P2RX5: variants seen among roughly 807,000 people sequenced by gnomAD.
P2RX5 encodes the protein purinergic receptor P2X 5.
In P2RX5, 46 loss-of-function variants were observed where a neutral mutation model predicts 54.1. The observed-to-expected ratio is 0.85, with a 90% CI of 0.67 to 1.09. The LOEUF is 1.09. Among genes scored for constraint, P2RX5 ranks in the 50% least tolerant of loss-of-function variants. P2RX5 has a pLI of 0.00. For synonymous variants in P2RX5, 226 were observed against 226.4 expected (o/e 1.00, Z 0.02); for missense variants, 566 against 549.8 (o/e 1.03, Z -0.29).
chr17:3,691,056 C>A lies in P2RX5; in HGVS notation c.289-29G>T, dbSNP rs771913431. On this transcript the variant is annotated intron_variant, in intron 2 of 11. Transcript: ENST00000225328. ...AGGAACCAGAGAGGCACTGAGGAACCTCCTCCTGCCCCTTAGGGACCACCC... is the reference window on the plus strand; with the variant it reads ...AGGAACCAGAGAGGCACTGAGGAACATCCTCCTGCCCCTTAGGGACCACCC... The A allele has an allele frequency of 5.8e-6, 9 of 1,541,304 alleles. No homozygotes were observed. In the South Asian group the frequency reaches 1.0e-4, roughly 17 times the overall value.
At chr17:3,722,990 A>G in the P2RX5 span, among the ~76,000 whole-genome samples, 16 of 152,198 alleles carry the variant, frequency 1.1e-4, no homozygotes, top group African/African-American at 3.6e-4. Flanking sequence ...AATGGAGAGA[A>G]GTGAATGGGT....
At chr17:3,712,888 A>G in the P2RX5 span, among the ~76,000 whole-genome samples, 1 of 152,198 alleles carries the variant, frequency 6.6e-6, no homozygotes, top group Non-Finnish European at 1.5e-5. Flanking sequence ...GGTTGCAGTG[A>G]GCAGAGATCA....
rs1163515994 is a variant in P2RX5, at chr17:3,696,023, G to A, written c.-18C>T. ...TGCCCCATGGCGCGCTCTCAGCCGGGCTTGCGGACCGCCCGGCCCACGTGC... is the reference window on the plus strand; with the variant it reads ...TGCCCCATGGCGCGCTCTCAGCCGGACTTGCGGACCGCCCGGCCCACGTGC... On this transcript the variant is annotated 5_prime_UTR_variant, in exon 1 of 12. Transcript: ENST00000225328. The A allele has an allele frequency of 6.2e-7, 1 of 1,612,766 alleles. No homozygotes were observed. The highest frequency in any genetic ancestry group is 8.5e-7 in the Non-Finnish European group (1 of 1,179,376).
chr17:3,688,257 CA>C, intron 8 of P2RX5, 152 bp from the exon 9 acceptor site: 1 of 669,100 alleles, frequency 1.5e-6, no homozygotes, highest in Non-Finnish European at 2.7e-6. Context: ...CTCACTGAGC[CA>C]AAAACAAAGA....
chr17:3,699,902 G>A (rs371216335), upstream of P2RX5, among the ~76,000 whole-genome samples: 63 of 34,924 alleles, frequency 1.8e-3, 2 homozygotes, highest in African/African-American at 3.5e-3. Flanking sequence ...AGGAAGGAAG[G>A]AAGGAAGGAA....
chr17:3,690,338 C>A, intron 5 of P2RX5, 89 bp downstream of exon 5: 2 of 1,199,886 alleles, frequency 1.7e-6, no homozygotes, highest in Non-Finnish European at 2.4e-6. Context: ...GCGTGAGGCT[C>A]CCAGAGTGGG....
chr17:3,705,163 C>T, the P2RX5 span, among the ~76,000 whole-genome samples: 1 of 152,204 alleles, frequency 6.6e-6, no homozygotes, highest in Non-Finnish European at 1.5e-5. Flanking sequence ...TTCTCACACG[C>T]ATCCGCTCCT....
chr17:3,702,520 C>T, the P2RX5 span, among the ~76,000 whole-genome samples: 1 of 152,188 alleles, frequency 6.6e-6, no homozygotes, highest in African/African-American at 2.4e-5. Flanking sequence ...TCCCTCTTCA[C>T]AATAAATCTT....
At chr17:3,722,655 T>C in the P2RX5 span, among the ~76,000 whole-genome samples, 1 of 152,056 alleles carries the variant, frequency 6.6e-6, no homozygotes, top group Admixed American at 6.6e-5. Flanking sequence ...AACCCGATTA[T>C]AAAAGGGGCA....
At chr17:3,723,259 C>A in the P2RX5 span, 56 of 1,448,398 alleles carry the variant, frequency 3.9e-5, 4 homozygotes, top group East Asian at 1.8e-4. Context: ...ACTGGATAAT[C>A]AAATCTGGAG....
intron 1 of P2RX5, among the ~76,000 whole-genome samples, chr17:3,694,484 G>A (rs1049065593): frequency 6.6e-6 from 1 of 152,158 alleles, no homozygotes; most frequent in African/African-American, 2.4e-5. Flanking sequence ...GGGATTATAG[G>A]CATGAGCCAC....
the P2RX5 span, among the ~76,000 whole-genome samples, chr17:3,701,696 G>GAAAAAAAAA: frequency 1.4e-5 from 1 of 73,428 alleles, no homozygotes; most frequent in African/African-American, 5.8e-5. Flanking sequence ...CTCTGTCTCA[G>GAAAAAAAAA]AAAAAAAAAA....
chr17:3,700,592 A>G (rs573080400), upstream of P2RX5, among the ~76,000 whole-genome samples: 9 of 152,050 alleles, frequency 5.9e-5, no homozygotes, highest in East Asian at 1.7e-3. Context: ...GAATTCTCCA[A>G]CTGAGAGAAA....
At chr17:3,720,865 GA>G in the P2RX5 span, among the ~76,000 whole-genome samples, 2 of 152,120 alleles carry the variant, frequency 1.3e-5, no homozygotes, top group African/African-American at 2.4e-5. Flanking sequence ...TTACAGGCGT[GA>G]GCTGCCGCGC....
chr17:3,704,134 A>G, the P2RX5 span, among the ~76,000 whole-genome samples: 9 of 152,148 alleles, frequency 5.9e-5, no homozygotes, highest in Non-Finnish European at 1.3e-4. Flanking sequence ...CCAAAAAACC[A>G]CACAAAACCC....
chr17:3,698,637 G>A (rs1482638305), upstream of P2RX5, among the ~76,000 whole-genome samples: 7 of 152,068 alleles, frequency 4.6e-5, no homozygotes, highest in African/African-American at 7.2e-5. Context: ...TGTCTTAACT[G>A]CCACTGTGGC....
chr17:3,684,627 GGAAAA>G (rs2050381574), intron 9 of P2RX5, among the ~76,000 whole-genome samples: 1 of 151,958 alleles, frequency 6.6e-6, no homozygotes, highest in Non-Finnish European at 1.5e-5. Flanking sequence ...TCAGGGTCTG[GGAAAA>G]TATAGTATCG....
rs1295279940 is a variant in P2RX5, at chr17:3,690,143, A to G, written c.541T>C (p.Phe181Leu). ...GTGAAGTCTTCGGCCTCCTTCAGGA[A>G]TGGCTCCCTGAAAACCAACCCAGAA... Reference protein sequence around the residue: ...LETSSRPEEPFLKEAEDFTIF... With the variant: ...LETSSRPEEPLLKEAEDFTIF... The change falls in exon 6 of 12, where the codon TTC becomes CTC. Residue 181 changes from phenylalanine to leucine, a missense_variant. Phe to Leu is a conservative substitution (Grantham distance 22, BLOSUM62 0). Coordinates refer to ENST00000225328, the MANE Select transcript of P2RX5 (RefSeq NM_002561.4). 8.1e-6 allele frequency: 13 copies of G among 1,613,996 alleles called. No individual in the cohort carries two copies. Among genetic ancestry groups the G allele is most frequent in the South Asian group, 2.2e-5 (2 of 91,096 alleles).
chr17:3,693,075 A>G (rs2143001558), intron 1 of P2RX5, among the ~76,000 whole-genome samples: 1 of 151,640 alleles, frequency 6.6e-6, no homozygotes, highest in South Asian at 2.1e-4. Flanking sequence ...TAACAATAAA[A>G]AGCCAAATAA....
Sources: gnomAD v4.1 joint callset for allele counts (sites outside exome capture counted in the v4.1 genomes callset) on GRCh38, gnomAD v4.1.1 for gene constraint, MANE v1.5 for transcripts, NCBI Gene and HGNC (gene_info 2026-07-23, HGNC 2026-07-21) for gene names.